The following PIP4K2A variants were observed in gnomAD, a reference collection of about 807,000 sequenced individuals.
PIP4K2A encodes phosphatidylinositol 5-phosphate 4-kinase type-2 alpha.
PIP4K2A carries 14 observed loss-of-function variants against 42.9 expected under a neutral mutation model. The observed-to-expected ratio is 0.33, with a 90% CI of 0.22 to 0.51. The LOEUF (loss-of-function observed/expected upper bound fraction) is 0.51, where lower values mean the gene tolerates loss of function less well. Ranked by LOEUF, PIP4K2A falls within the 20% of genes least tolerant of loss-of-function variation. The pLI, the probability that PIP4K2A is intolerant of heterozygous loss-of-function variation, is 0.97. For missense variants in PIP4K2A, 434 were observed against 519.8 expected (o/e 0.83, Z 1.61); for synonymous variants, 192 against 192.2 (o/e 1.00, Z 0.01).
chr10:22,694,078 G>C (rs1296103950), intron 1 of PIP4K2A: 1 of 152,142 alleles, frequency 6.6e-6, no homozygotes, highest in East Asian at 1.9e-4. Context: ...CTGACTGCAA[G>C]GCCTTGAGCA....
At chr10:22,639,193 A>T (rs911489810) in intron 1 of PIP4K2A, among the ~76,000 whole-genome samples, 4 of 152,194 alleles carry the variant, frequency 2.6e-5, no homozygotes, top group African/African-American at 9.7e-5. Flanking sequence ...TAGCCAATAA[A>T]ATCCAAGGAA....
chr10:22,580,524 A>G (rs2130805933), intron 4 of PIP4K2A, among the ~76,000 whole-genome samples: 1 of 152,116 alleles, frequency 6.6e-6, no homozygotes, highest in East Asian at 1.9e-4. Flanking sequence ...GAAGAAGAGC[A>G]TGTACTGGGG....
chr10:22,609,018 T>A (rs186545138), intron 2 of PIP4K2A, among the ~76,000 whole-genome samples: 3 of 152,342 alleles, frequency 2.0e-5, no homozygotes, highest in Admixed American at 2.0e-4. Flanking sequence ...TTATCATACT[T>A]TGCACACTGA....
intron 1 of PIP4K2A, among the ~76,000 whole-genome samples, chr10:22,637,289 C>G (rs1838687340): frequency 6.6e-6 from 1 of 152,174 alleles, no homozygotes; most frequent in Non-Finnish European, 1.5e-5. Context: ...CTGTTGATCC[C>G]ATCCATAACG....
At chr10:22,647,959 C>T (rs1050707336) in intron 1 of PIP4K2A, among the ~76,000 whole-genome samples, 1 of 152,190 alleles carries the variant, frequency 6.6e-6, no homozygotes, top group African/African-American at 2.4e-5. Context: ...AATAAAACAT[C>T]GACAACATCT....
intron 1 of PIP4K2A, among the ~76,000 whole-genome samples, chr10:22,708,967 A>G (rs558347731): frequency 6.6e-6 from 1 of 152,096 alleles, no homozygotes; most frequent in Non-Finnish European, 1.5e-5. Context: ...CATTTTTTGT[A>G]GAGACAGGGT....
chr10:22,661,853 G>A (rs1437324115), intron 1 of PIP4K2A: 1 of 152,214 alleles, frequency 6.6e-6, no homozygotes, highest in Non-Finnish European at 1.5e-5. Flanking sequence ...CAAATTCTAG[G>A]ATGAAGGACC....
At chr10:22,671,207 T>C (rs746277486) in intron 1 of PIP4K2A, among the ~76,000 whole-genome samples, 4 of 152,196 alleles carry the variant, frequency 2.6e-5, no homozygotes, top group Admixed American at 2.0e-4. Context: ...TAAAATATTA[T>C]AGAAATAGCT....
intron 1 of PIP4K2A, among the ~76,000 whole-genome samples, chr10:22,700,103 G>A (rs535689202): frequency 6.6e-6 from 1 of 152,182 alleles, no homozygotes. Flanking sequence ...GAGTCAGGAG[G>A]AAGAAAACGG....
At chr10:22,664,079 A>ATATATATACATATATATATATACG (rs1839270560) in intron 1 of PIP4K2A, among the ~76,000 whole-genome samples, 1 of 80,144 alleles carries the variant, frequency 1.2e-5, no homozygotes, top group Non-Finnish European at 2.1e-5. Flanking sequence ...ATATATACGT[A>ATATATATACATATATATATATACG]TATATATATA....
In PIP4K2A at chr10:22,596,205, C is replaced by CAAAAAAAAAAAAAAAA. The variant is rs10681238; in HGVS notation, c.340-4440_340-4425dup. Among the ~76,000 whole-genome samples, 72 of 69,652 alleles carry CAAAAAAAAAAAAAAAA rather than the reference C, an allele frequency of 1.0e-3. 2 individuals are homozygous for CAAAAAAAAAAAAAAAA. Among genetic ancestry groups the CAAAAAAAAAAAAAAAA allele is most frequent in the African/African-American group, 4.4e-3 (70 of 15,792 alleles). The allele number at this position is 69,652 out of a possible 152,430, so 45.7% of individuals were successfully genotyped here. A position where few individuals can be genotyped will look rare whatever the true frequency, so the allele number is the denominator to read the frequency against. ...GGGCAACAAGAGCAAAACTCCGTCT[C>CAAAAAAAAAAAAAAAA]AAAAAAAAAAAAAAAAAAAAGGATT... On this transcript the variant is annotated intron_variant, in intron 3 of 9. Transcript: ENST00000376573.
rs151097554 is a variant in PIP4K2A at position 22,563,089 on chromosome 10, G to A, written c.678+4762C>T. Among the ~76,000 whole-genome samples, 1,063 of 152,222 alleles carry A rather than the reference G, an allele frequency of 7.0e-3. 13 individuals carry two copies. Among genetic ancestry groups the A allele is most frequent in the African/African-American group, 0.023 (961 of 41,516 alleles). The stretch of plus-strand genomic sequence containing the variant: ...GATCTCTACCCTACTGTCAAGGCAG[G>A]CACACTCTCCATCATTTACCAATTT... On this transcript the variant is annotated intron_variant, in intron 6 of 9. Transcript: ENST00000376573.
chr10:22,574,732 G>C (rs1837071467), intron 4 of PIP4K2A, among the ~76,000 whole-genome samples: 1 of 152,202 alleles, frequency 6.6e-6, no homozygotes, highest in Non-Finnish European at 1.5e-5. Flanking sequence ...TAATTCCTGA[G>C]TAGAGTTTCA....
intron 5 of PIP4K2A, among the ~76,000 whole-genome samples, chr10:22,570,914 A>G (rs1177207768): frequency 6.6e-6 from 1 of 152,134 alleles, no homozygotes; most frequent in Non-Finnish European, 1.5e-5. Context: ...CTGAAGCCAC[A>G]CATCCTGGTT....
Position 22,714,186 on chromosome 10 carries a change from G to C in PIP4K2A, c.141C>G (p.His47Gln). ...LLSVLMWGVN[H>Q]SINELSHVQI... ...CGCGCCGCAGCTGAGCCCTTACCGA[G>C]TGGTTTACCCCCCACATGAGGACGC... Residue 47 changes from histidine to glutamine, a missense_variant, in exon 1 of 10, where the codon CAC (histidine) becomes CAG (glutamine). His to Gln is a conservative substitution (Grantham distance 24). Around this residue, in one of 2 missense-constraint regions of PIP4K2A, gnomAD observed 395 missense variants for 444.5 expected, o/e 0.89. Transcript: ENST00000376573. 1 of 1,606,902 alleles carries C rather than the reference G, an allele frequency of 6.2e-7. No individual in the cohort carries two copies. The highest frequency in any genetic ancestry group is 8.5e-7 in the Non-Finnish European group (1 of 1,176,150).
intron 1 of PIP4K2A, among the ~76,000 whole-genome samples, chr10:22,658,106 G>A (rs1839137661): frequency 6.6e-6 from 1 of 152,014 alleles, no homozygotes; most frequent in South Asian, 2.1e-4. Flanking sequence ...CACCCCACAG[G>A]GAAAATGTTT....
intron 2 of PIP4K2A, among the ~76,000 whole-genome samples, chr10:22,608,948 C>T (rs1200974845): frequency 6.6e-6 from 1 of 152,174 alleles, no homozygotes; most frequent in Non-Finnish European, 1.5e-5. Flanking sequence ...GAATTGTTTC[C>T]CTCTTTGTGT....
intron 1 of PIP4K2A, among the ~76,000 whole-genome samples, chr10:22,664,190 T>TAC (rs1307416156): frequency 1.3e-5 from 1 of 78,744 alleles, no homozygotes; most frequent in African/African-American, 9.3e-5. Flanking sequence ...TACATATATA[T>TAC]ACATATATAT....
At chr10:22,554,919 G>A (rs767851076) in intron 6 of PIP4K2A, among the ~76,000 whole-genome samples, 3 of 152,174 alleles carry the variant, frequency 2.0e-5, no homozygotes, top group Non-Finnish European at 4.4e-5. Flanking sequence ...ACAGCCCAAC[G>A]CAGAGCCAGG....
Sources: allele counts gnomAD v4.1 joint callset (sites outside exome capture counted in the v4.1 genomes callset), GRCh38; gene constraint gnomAD v4.1.1; regional missense constraint gnomAD v4.1.1; transcripts MANE v1.5; gene names NCBI Gene and HGNC (gene_info 2026-07-23, HGNC 2026-07-21).